Variants in SCLT1 observed in about 807,000 individuals in gnomAD.
SCLT1 encodes sodium channel-associated protein 1.
Under a neutral mutation model 112.8 loss-of-function variants are expected in SCLT1, and 78 were observed. The ratio of observed to expected loss-of-function variants is 0.69; its 90% CI spans 0.58 to 0.83. The LOEUF is 0.83. Ranked by LOEUF, SCLT1 falls within the 40% of genes least tolerant of loss-of-function variation. The probability of loss-of-function intolerance (pLI) is 0.00; values close to 1 mark genes in which losing one functional copy is unlikely to be tolerated. For missense variants in SCLT1, 747 were observed against 770.4 expected, an observed-to-expected ratio of 0.97 and a Z score of 0.36; for synonymous variants, 257 against 254.7, an observed-to-expected ratio of 1.01 and a Z score of -0.09.
intron 2 of SCLT1, among the ~76,000 whole-genome samples, chr4:129,060,175 TTTGA>T (rs1472768068): frequency 6.6e-6 from 1 of 152,218 alleles, no homozygotes; most frequent in African/African-American, 2.4e-5. Flanking sequence ...GAAGAAACTG[TTTGA>T]TTCATTTTAG....
chr4:129,012,312 T>C (rs777621006), intron 5 of SCLT1, among the ~76,000 whole-genome samples: 6 of 152,242 alleles, frequency 3.9e-5, no homozygotes, highest in Non-Finnish European at 8.8e-5. Context: ...GAGTAGGTTA[T>C]TCAACTTCCA....
At chr4:128,961,346 TA>T in intron 11 of SCLT1, among the ~76,000 whole-genome samples, 1 of 152,152 alleles carries the variant, frequency 6.6e-6, no homozygotes, top group Non-Finnish European at 1.5e-5. Context: ...ATACTCCTAT[TA>T]TCACCCCCAA....
At chr4:128,974,194 G>C (rs1337926121) in intron 9 of SCLT1, among the ~76,000 whole-genome samples, 1 of 152,094 alleles carries the variant, frequency 6.6e-6, no homozygotes, top group Admixed American at 6.6e-5. Flanking sequence ...TAAATTGTCA[G>C]GAACTGTGTA....
At position 129,090,482 on chromosome 4, in the gene SCLT1, C is replaced by T. The variant is rs191761795; in HGVS notation, c.34+2588G>A. On this transcript the variant is annotated intron_variant, in intron 1 of 20. Transcript: ENST00000281142. The stretch of plus-strand genomic sequence containing the variant: ...TGAACCATAGATCTAAATGTAAAAC[C>T]TAAAACTATAAAACTCCTAGAAGAA... Among the ~76,000 whole-genome samples the T allele has an allele frequency of 2.6e-5, 4 of 152,206 alleles. No individual in the cohort carries two copies. The East Asian group carries it at 7.7e-4, about 29-fold the overall frequency.
At chr4:128,954,394 C>T (rs1225073064) in intron 13 of SCLT1, among the ~76,000 whole-genome samples, 2 of 150,204 alleles carry the variant, frequency 1.3e-5, no homozygotes, top group African/African-American at 2.5e-5. Context: ...TCTCAGCTCA[C>T]GGCAAGCCCC....
chr4:129,090,698 C>T (rs1207756065), intron 1 of SCLT1, among the ~76,000 whole-genome samples: 1 of 152,168 alleles, frequency 6.6e-6, no homozygotes, highest in African/African-American at 2.4e-5. Flanking sequence ...TCTCACACCC[C>T]ACTAATGAAT....
intron 5 of SCLT1, among the ~76,000 whole-genome samples, chr4:129,035,071 G>C (rs983041653): frequency 6.6e-6 from 1 of 152,044 alleles, no homozygotes; most frequent in African/African-American, 2.4e-5. Context: ...ATCACTCAAC[G>C]GTTGTGAATG....
At chr4:129,015,747 T>C (rs1744934827) in intron 5 of SCLT1, among the ~76,000 whole-genome samples, 1 of 152,034 alleles carries the variant, frequency 6.6e-6, no homozygotes, top group Non-Finnish European at 1.5e-5. Flanking sequence ...TCCTTGAAAA[T>C]TCAACTCACC....
intron 11 of SCLT1, among the ~76,000 whole-genome samples, chr4:128,964,061 T>G (rs1739964547): frequency 6.6e-6 from 1 of 152,176 alleles, no homozygotes; most frequent in Admixed American, 6.5e-5. Context: ...CAATCTAATA[T>G]GAAGTCATGT....
At chr4:129,081,267 C>G (rs1751912440) in intron 2 of SCLT1, among the ~76,000 whole-genome samples, 1 of 152,194 alleles carries the variant, frequency 6.6e-6, no homozygotes, top group South Asian at 2.1e-4. Flanking sequence ...TCCCATATGC[C>G]CTAAGAACAA....
chr4:128,995,092 T>C (rs1241563475), intron 8 of SCLT1, among the ~76,000 whole-genome samples: 1 of 152,172 alleles, frequency 6.6e-6, no homozygotes, highest in East Asian at 1.9e-4. Flanking sequence ...CATGAAATCG[T>C]TGCCAAGACC....
intron 6 of SCLT1, among the ~76,000 whole-genome samples, chr4:129,002,612 A>C (rs1239963306): frequency 2.0e-5 from 3 of 152,160 alleles, no homozygotes; most frequent in African/African-American, 7.2e-5. Flanking sequence ...ACCCATCAAG[A>C]AGTGGGCAAA....
intron 17 of SCLT1, among the ~76,000 whole-genome samples, chr4:128,939,330 T>C (rs1304571606): frequency 2.6e-5 from 4 of 152,204 alleles, no homozygotes; most frequent in Admixed American, 2.6e-4. Flanking sequence ...TATTTGCAGA[T>C]TGAATGGTGG....
chr4:129,068,995 T>C (rs1750743803), intron 2 of SCLT1, among the ~76,000 whole-genome samples: 1 of 152,178 alleles, frequency 6.6e-6, no homozygotes, highest in Non-Finnish European at 1.5e-5. Flanking sequence ...TACATGTGGC[T>C]AGCCAATTAT....
chr4:128,879,740 C>G (rs1732598386), downstream of SCLT1, among the ~76,000 whole-genome samples: 2 of 152,284 alleles, frequency 1.3e-5, no homozygotes, highest in Admixed American at 1.3e-4. Flanking sequence ...AAACTCTCCA[C>G]TGGATTGTTT....
At chr4:128,877,722 G>T (rs1171275978) in intron 3 of SCLT1, among the ~76,000 whole-genome samples, 2 of 151,970 alleles carry the variant, frequency 1.3e-5, no homozygotes, top group African/African-American at 2.4e-5. Context: ...GCATATTTAG[G>T]ACTACACGTG....
intron 12 of SCLT1, among the ~76,000 whole-genome samples, chr4:128,958,468 G>A (rs1174104578): frequency 6.6e-6 from 1 of 152,176 alleles, no homozygotes; most frequent in Non-Finnish European, 1.5e-5. Flanking sequence ...GACAGCCTCT[G>A]TGAGCGTCTG....
chr4:128,903,018 G>A (rs1397084683), intron 18 of SCLT1, among the ~76,000 whole-genome samples: 2 of 151,802 alleles, frequency 1.3e-5, no homozygotes, highest in African/African-American at 2.4e-5. Context: ...TGATAGCAAC[G>A]CCTCCCTCTG....
intron 2 of SCLT1, among the ~76,000 whole-genome samples, chr4:129,060,972 G>A (rs1290854382): frequency 6.6e-6 from 1 of 152,140 alleles, no homozygotes; most frequent in East Asian, 1.9e-4. Flanking sequence ...ATCCACTTGG[G>A]CTGAAGGGCT....
Sources: gnomAD v4.1 joint callset for allele counts (sites outside exome capture counted in the v4.1 genomes callset) on GRCh38, gnomAD v4.1.1 for gene constraint, MANE v1.5 for transcripts, NCBI Gene and HGNC (gene_info 2026-07-23, HGNC 2026-07-21) for gene names.